ENPP3: variants seen among roughly 807,000 people sequenced by gnomAD.
ENPP3 encodes the protein ectonucleotide pyrophosphatase/phosphodiesterase family member 3.
Under a neutral mutation model 117.8 loss-of-function variants are expected in ENPP3, and 104 were observed. The ratio of observed to expected loss-of-function variants is 0.88; its 90% CI spans 0.75 to 1.04. The LOEUF (loss-of-function observed/expected upper bound fraction) is 1.04, where lower values mean the gene tolerates loss of function less well. ENPP3 is among the 50% of genes least tolerant of loss of function. ENPP3 has a pLI of 0.00. For missense variants in ENPP3, 1,026 were observed against 1,051.9 expected, an observed-to-expected ratio of 0.98 and a Z score of 0.34; for synonymous variants, 380 against 349.9, an observed-to-expected ratio of 1.09 and a Z score of -0.96.
intron 11 of ENPP3, among the ~76,000 whole-genome samples, chr6:131,678,806 C>T (rs548215937): frequency 7.9e-5 from 12 of 152,310 alleles, no homozygotes; most frequent in Non-Finnish European, 1.3e-4. Context: ...TCCTGCACAG[C>T]GCTAGACTGT....
intron 17 of ENPP3, 27 bp downstream of exon 17, chr6:131,720,406 A>G (rs1779990038): frequency 1.7e-6 from 2 of 1,163,664 alleles, no homozygotes; most frequent in East Asian, 2.4e-5. Context: ...AAGTTCGCCA[A>G]CAAAATATGG....
At chr6:131,695,928 G>T (rs1393812965) in intron 15 of ENPP3, among the ~76,000 whole-genome samples, 3 of 151,818 alleles carry the variant, frequency 2.0e-5, no homozygotes, top group Admixed American at 6.6e-5. Context: ...AAAAAAAAGA[G>T]AATCTAATCT....
Position 131,712,500 on chromosome 6 carries a change from A to G in ENPP3, c.1413-6172A>G, listed in dbSNP as rs1410751378. On this transcript the variant is annotated intron_variant, in intron 15 of 24. Coordinates refer to ENST00000357639, the MANE Select transcript of ENPP3 (RefSeq NM_005021.5). ...AACTGAGTTTCTCAGTTGTTTGCCA[A>G]CATTTCCCCATTTGGCTGGATCTGA... Among the ~76,000 whole-genome samples the G allele has an allele frequency of 3.0e-5, 4 of 133,598 alleles. 1 individual carries two copies. Among genetic ancestry groups the G allele is most frequent in the South Asian group, 2.2e-4 (1 of 4,480 alleles). 87.6% of individuals were successfully genotyped at this position (133,598 alleles called of 152,430 possible).
At chr6:131,724,224 G>A (rs1045558713) in intron 19 of ENPP3, 133 bp downstream of exon 19, 95 of 429,500 alleles carry the variant, frequency 2.2e-4, no homozygotes, top group South Asian at 3.5e-4. Context: ...ATATACAAAA[G>A]GTAAAAAAAA....
chr6:131,721,615 GTA>G (rs1373577862), intron 17 of ENPP3, among the ~76,000 whole-genome samples: 1 of 149,018 alleles, frequency 6.7e-6, no homozygotes, highest in East Asian at 1.9e-4. Context: ...TTTGTATTAT[GTA>G]TTTTCATAGA....
At chr6:131,684,031 G>A (rs1329666441) in intron 12 of ENPP3, among the ~76,000 whole-genome samples, 1 of 152,070 alleles carries the variant, frequency 6.6e-6, no homozygotes, top group Non-Finnish European at 1.5e-5. Context: ...GATTACAGGA[G>A]TGCGCCACCG....
intron 3 of ENPP3, among the ~76,000 whole-genome samples, 198 bp downstream of exon 3, chr6:131,650,347 G>A (rs960346148): frequency 1.3e-5 from 2 of 151,900 alleles, no homozygotes; most frequent in African/African-American, 4.8e-5. Context: ...AGCCTCCTGA[G>A]TAGCTAGGAC....
chr6:131,719,822 A>T (rs1434566190), intron 16 of ENPP3, among the ~76,000 whole-genome samples: 1 of 152,190 alleles, frequency 6.6e-6, no homozygotes, highest in Non-Finnish European at 1.5e-5. Context: ...AGTAAAAGAG[A>T]GAAGTGTAAG....
intron 2 of ENPP3, among the ~76,000 whole-genome samples, chr6:131,646,582 G>T (rs1230738857): frequency 6.6e-6 from 1 of 151,910 alleles, no homozygotes. Context: ...AGTAGTGACT[G>T]CTCCACATCC....
intron 6 of ENPP3, among the ~76,000 whole-genome samples, chr6:131,669,500 C>T (rs1778692671): frequency 6.6e-6 from 1 of 151,440 alleles, no homozygotes; most frequent in Admixed American, 6.6e-5. Flanking sequence ...TAACAAAACT[C>T]CATCTCTACT....
intron 16 of ENPP3, 67 bp from the exon 17 acceptor site, chr6:131,720,225 C>A: frequency 1.0e-6 from 1 of 982,930 alleles, no homozygotes; most frequent in Non-Finnish European, 1.5e-6. Flanking sequence ...AAAATTTTGT[C>A]TCTTCCTATA....
chr6:131,674,046 T>C (rs986873159), intron 7 of ENPP3, 116 bp from the exon 8 acceptor site: 2 of 619,774 alleles, frequency 3.2e-6, no homozygotes, highest in Non-Finnish European at 5.5e-6. Context: ...GTGTTTTACA[T>C]TGAAAGGTAT....
intron 20 of ENPP3, 110 bp from the exon 21 acceptor site, chr6:131,733,478 A>G: frequency 8.1e-7 from 1 of 1,232,348 alleles, no homozygotes; most frequent in Non-Finnish European, 1.1e-6. Flanking sequence ...ATTCACTAAG[A>G]AAATAGGAAA....
At chr6:131,682,960 G>A (rs1779057260) in intron 11 of ENPP3, 94 bp from the exon 12 acceptor site, 1 of 782,468 alleles carries the variant, frequency 1.3e-6, no homozygotes, top group East Asian at 2.6e-5. Context: ...CAATTTCAGA[G>A]ATGGAGATGT....
intron 5 of ENPP3, among the ~76,000 whole-genome samples, chr6:131,654,836 C>A (rs1778350375): frequency 6.6e-6 from 1 of 152,084 alleles, no homozygotes; most frequent in Admixed American, 6.6e-5. Context: ...GTTTGTAGCT[C>A]AGATTCAGCT....
chr6:131,682,775 A>C (rs1304817214), intron 11 of ENPP3, among the ~76,000 whole-genome samples: 1 of 152,158 alleles, frequency 6.6e-6, no homozygotes, highest in African/African-American at 2.4e-5. Context: ...TTTACAGTTG[A>C]ATAGTGTTAG....
intron 15 of ENPP3, chr6:131,699,593 T>C (rs374621478): frequency 6.6e-6 from 1 of 152,062 alleles, no homozygotes; most frequent in Non-Finnish European, 1.5e-5. Context: ...CACAGGAAGA[T>C]GTATACTGAA....
chr6:131,727,659 C>T (rs770196952), intron 20 of ENPP3, among the ~76,000 whole-genome samples: 74 of 151,712 alleles, frequency 4.9e-4, no homozygotes, highest in Non-Finnish European at 7.8e-4. Context: ...AATGCATCCT[C>T]AGCACAATAG....
At position 131,685,396 on chromosome 6, in the gene ENPP3, T is replaced by A. The variant is rs1422240794; in HGVS notation, c.1153T>A (p.Tyr385Asn). 1.2e-6 allele frequency: 2 copies of A among 1,612,348 alleles called. No individual in the cohort carries two copies. Among genetic ancestry groups the A allele is most frequent in the Non-Finnish European group, 1.7e-6 (2 of 1,178,512 alleles). The change falls in exon 13 of 25, where the codon TAC becomes AAC. Residue 385 changes from tyrosine to asparagine, a missense_variant. Coordinates refer to ENST00000357639, the MANE Select transcript of ENPP3 (RefSeq NM_005021.5). ...MDQTYCNKMEYMTDYFPRINF... is the reference protein window; with the variant it reads ...MDQTYCNKMENMTDYFPRINF... ...CCAGACTTATTGTAACAAGATGGAA[T>A]ACATGACTGATTATTTTCCCAGAAT... is the stretch of plus-strand genomic sequence containing the variant.
Sources: gnomAD v4.1 joint callset for allele counts (sites outside exome capture counted in the v4.1 genomes callset) on GRCh38, gnomAD v4.1.1 for gene constraint, MANE v1.5 for transcripts, NCBI Gene and HGNC (gene_info 2026-07-23, HGNC 2026-07-21) for gene names.